The following LMNTD1 variants were observed in gnomAD, a reference collection of about 807,000 sequenced individuals.
LMNTD1 encodes the protein lamin tail domain-containing protein 1.
In LMNTD1, 35 loss-of-function variants were observed where a neutral mutation model predicts 50.9. The observed-to-expected ratio is 0.69, with a 90% CI of 0.53 to 0.91. The LOEUF (loss-of-function observed/expected upper bound fraction) is 0.91, where lower values mean the gene tolerates loss of function less well. Ranked by LOEUF, LMNTD1 falls within the 40% of genes least tolerant of loss-of-function variation. LMNTD1 has a pLI of 0.00. For missense variants in LMNTD1, 470 were observed against 475.5 expected (o/e 0.99, Z 0.11); for synonymous variants, 153 against 161.9 (o/e 0.94, Z 0.42).
intron 1 of LMNTD1, among the ~76,000 whole-genome samples, chr12:25,644,346 A>G (rs1021319407): frequency 2.7e-5 from 4 of 150,766 alleles, no homozygotes; most frequent in African/African-American, 7.3e-5. Flanking sequence ...TTAGCCAAGC[A>G]TGGTGGCATG....
chr12:25,598,450 A>G (rs1378697754), intron 1 of LMNTD1, among the ~76,000 whole-genome samples: 2 of 152,104 alleles, frequency 1.3e-5, no homozygotes, highest in East Asian at 1.9e-4. Flanking sequence ...TTAAAGAACT[A>G]GAAAAGTAAG....
At chr12:25,580,965 A>G (rs1331648462) in intron 1 of LMNTD1, among the ~76,000 whole-genome samples, 1 of 152,200 alleles carries the variant, frequency 6.6e-6, no homozygotes, top group Non-Finnish European at 1.5e-5. Context: ...GTATTTAAGG[A>G]CATGGCATAT....
intron 1 of LMNTD1, among the ~76,000 whole-genome samples, chr12:25,606,164 GA>G (rs1411266833): frequency 3.3e-5 from 5 of 152,152 alleles, no homozygotes; most frequent in African/African-American, 1.2e-4. Flanking sequence ...GAATGCTTCT[GA>G]TTTTTTCACA....
intron 6 of LMNTD1, among the ~76,000 whole-genome samples, chr12:25,522,649 G>T (rs767908049): frequency 6.6e-6 from 1 of 152,048 alleles, no homozygotes; most frequent in African/African-American, 2.4e-5. Flanking sequence ...AGTTCCTATT[G>T]TATAGGACTG....
intron 1 of LMNTD1, among the ~76,000 whole-genome samples, chr12:25,622,808 T>C (rs1946504256): frequency 6.6e-6 from 1 of 151,592 alleles, no homozygotes; most frequent in Admixed American, 6.6e-5. Context: ...GCCAAAAGGG[T>C]CCTGAGTAGG....
chr12:25,572,569 C>T (rs1451461182), intron 1 of LMNTD1, among the ~76,000 whole-genome samples: 1 of 151,990 alleles, frequency 6.6e-6, no homozygotes, highest in Non-Finnish European at 1.5e-5. Context: ...TTGAAACCTG[C>T]AGGGTTACAC....
At chr12:25,631,084 G>A (rs540603975) in intron 1 of LMNTD1, among the ~76,000 whole-genome samples, 4 of 152,142 alleles carry the variant, frequency 2.6e-5, no homozygotes, top group East Asian at 3.9e-4. Context: ...GCCATAATCC[G>A]CCTAGGAACA....
intron 1 of LMNTD1, among the ~76,000 whole-genome samples, chr12:25,597,254 TGAAACACAC>T (rs1945862709): frequency 6.6e-6 from 1 of 151,834 alleles, no homozygotes; most frequent in African/African-American, 2.4e-5. Flanking sequence ...ATAGAGTGGC[TGAAACACAC>T]TTCATGTATA....
chr12:25,525,888 C>T (rs1941671111), intron 6 of LMNTD1, among the ~76,000 whole-genome samples: 1 of 151,980 alleles, frequency 6.6e-6, no homozygotes, highest in Non-Finnish European at 1.5e-5. Flanking sequence ...TAACCAAACA[C>T]CACATGCTCC....
chr12:25,576,086 A>G (rs1945007388), intron 1 of LMNTD1, among the ~76,000 whole-genome samples: 1 of 152,178 alleles, frequency 6.6e-6, no homozygotes, highest in Non-Finnish European at 1.5e-5. Context: ...AATCCAGTCT[A>G]TCATTGACGG....
At chr12:25,561,136 A>G (rs1214280387) in intron 1 of LMNTD1, among the ~76,000 whole-genome samples, 2 of 151,804 alleles carry the variant, frequency 1.3e-5, no homozygotes, top group African/African-American at 2.4e-5. Flanking sequence ...TTGTGTCTCT[A>G]TCTCCTTCAG....
At chr12:25,577,619 T>G (rs1314940902) in intron 1 of LMNTD1, among the ~76,000 whole-genome samples, 4 of 152,194 alleles carry the variant, frequency 2.6e-5, no homozygotes, top group Non-Finnish European at 5.9e-5. Context: ...TACAATCATG[T>G]CATCTGCAAA....
upstream of LMNTD1, among the ~76,000 whole-genome samples, chr12:25,553,899 T>C (rs1301503506): frequency 6.6e-6 from 1 of 152,192 alleles, no homozygotes; most frequent in Non-Finnish European, 1.5e-5. Flanking sequence ...AATAAGATTC[T>C]ACTATTTCTT....
intron 4 of LMNTD1, among the ~76,000 whole-genome samples, chr12:25,535,866 A>G (rs976593424): frequency 1.3e-5 from 2 of 152,174 alleles, no homozygotes; most frequent in Non-Finnish European, 2.9e-5. Flanking sequence ...AAATAGTTAA[A>G]AAGTTAAAGT....
chr12:25,517,873 C>T (rs1223987272), intron 8 of LMNTD1, among the ~76,000 whole-genome samples: 1 of 151,912 alleles, frequency 6.6e-6, no homozygotes. Context: ...AGCATATTAA[C>T]ACAATGGTTG....
chr12:25,571,375 A>ATTTATTTT (rs1944788203), intron 1 of LMNTD1, among the ~76,000 whole-genome samples: 2 of 128,012 alleles, frequency 1.6e-5, no homozygotes, highest in South Asian at 2.6e-4. Context: ...TTATTTATTT[A>ATTTATTTT]TTTTTTGAGA....
intron 1 of LMNTD1, among the ~76,000 whole-genome samples, chr12:25,577,710 C>T (rs1309989314): frequency 6.6e-6 from 1 of 152,308 alleles, no homozygotes; most frequent in East Asian, 1.9e-4. Flanking sequence ...GCCAGAACTT[C>T]CAACACTATG....
Position 25,518,965 on chromosome 12 carries a change from T to C in LMNTD1, c.1019A>G (p.Glu340Gly), listed in dbSNP as rs1043264442. 1 of 1,613,932 alleles carries C rather than the reference T, an allele frequency of 6.2e-7. No homozygotes were observed. The highest frequency in any genetic ancestry group is 8.5e-7 in the Non-Finnish European group (1 of 1,179,920). ...VEQAQVLLKR[E>G]KEIPPTVFPN... ...GAAAACGGTTGGTGGGATTTCCTTC[T>C]CTCTGTAAAAGAAAAAAGCCTAAAT... The change falls in exon 8 of 10, where the codon GAG becomes GGG. Residue 340 changes from glutamate to glycine, a missense_variant and splice_region_variant. Physicochemically the swap from Glu to Gly is moderately conservative, Grantham distance 98. Coordinates refer to ENST00000458174, the MANE Select transcript of LMNTD1 (RefSeq NM_001145728.2).
intron 8 of LMNTD1, among the ~76,000 whole-genome samples, chr12:25,511,064 T>C (rs1383456618): frequency 6.6e-6 from 1 of 152,042 alleles, no homozygotes; most frequent in East Asian, 1.9e-4. Context: ...AAAAGAATTA[T>C]CCATGAAAAG....
Sources: gnomAD v4.1 joint callset for allele counts (sites outside exome capture counted in the v4.1 genomes callset) on GRCh38, gnomAD v4.1.1 for gene constraint, MANE v1.5 for transcripts, NCBI Gene and HGNC (gene_info 2026-07-23, HGNC 2026-07-21) for gene names.